SEPTIN9: variants seen among roughly 807,000 people sequenced by gnomAD.
SEPTIN9 encodes the protein septin 9.
Under a neutral mutation model 56.6 loss-of-function variants are expected in SEPTIN9, and 13 were observed. The ratio of observed to expected loss-of-function variants is 0.23; its 90% CI spans 0.15 to 0.37. SEPTIN9 has a LOEUF of 0.37. Ranked by LOEUF, SEPTIN9 falls within the 10% of genes least tolerant of loss-of-function variation. The pLI is 1.00. For missense variants in SEPTIN9, 650 were observed against 823.1 expected (o/e 0.79, Z 2.57); for synonymous variants, 332 against 334.1 (o/e 0.99, Z 0.07).
chr17:77,477,840 C>A (rs1002749135), intron 3 of SEPTIN9, among the ~76,000 whole-genome samples: 27 of 152,278 alleles, frequency 1.8e-4, no homozygotes, highest in African/African-American at 6.3e-4. Context: ...AAATCAGAAC[C>A]TTTCTGAGAG....
chr17:77,295,934 C>A (rs1354624338), intron 1 of SEPTIN9, among the ~76,000 whole-genome samples: 1 of 152,136 alleles, frequency 6.6e-6, no homozygotes, highest in Admixed American at 6.5e-5. Context: ...CCCTTGAATT[C>A]CTGCGTTGAA....
Position 77,369,608 on chromosome 17 carries a change from C to T in SEPTIN9, c.77-32451C>T, listed in dbSNP as rs1375604946. On this transcript the variant is annotated intron_variant, in intron 2 of 11. Coordinates refer to ENST00000427177, the MANE Select transcript of SEPTIN9 (RefSeq NM_001113491.2). The surrounding 1 kb of genome is among the most constrained non-coding windows in gnomAD (Gnocchi z 4.9). The stretch of plus-strand genomic sequence containing the variant: ...CCAGGGCTCGGCAGCTCTGGGAGGC[C>T]TACTTTGTGTCAGGCCACGCAGAGA... Among the ~76,000 whole-genome samples, 2 of 152,174 alleles carry T rather than the reference C, an allele frequency of 1.3e-5. No individual in the cohort carries two copies. The highest frequency in any genetic ancestry group is 2.9e-5 in the Non-Finnish European group (2 of 68,022).
rs1436300816 is a variant in SEPTIN9 at position 77,449,873 on chromosome 17, TG to T, written c.722-32270del. Among the ~76,000 whole-genome samples, 1 of 152,080 alleles carries T rather than the reference TG, an allele frequency of 6.6e-6. No homozygotes were observed. The highest frequency in any genetic ancestry group is 1.5e-5 in the Non-Finnish European group (1 of 68,010). On this transcript the variant is annotated intron_variant, in intron 3 of 11. Transcript: ENST00000427177. This position sits in a 1 kb window ranked among gnomAD's most constrained non-coding sequence, Gnocchi z 4.6. ...GTCTTGCTGTAATTTTGGCGACTGGTGTTGGTGGTGCCCATTTTATGGATGG... is the reference window on the plus strand; with the variant it reads ...GTCTTGCTGTAATTTTGGCGACTGGTTTGGTGGTGCCCATTTTATGGATGG...
chr17:77,400,755 T>TC lies in SEPTIN9; in HGVS notation c.77-1302dup. 1 of 152,412 alleles carries TC rather than the reference T, an allele frequency of 6.6e-6. No individual in the cohort carries two copies. The highest frequency in any genetic ancestry group is 6.5e-5 in the Admixed American group (1 of 15,282). The allele number at this position is 152,412 out of a possible 1,614,324, so 9.4% of individuals were successfully genotyped here. A position where few individuals can be genotyped will look rare whatever the true frequency, so the allele number is the denominator to read the frequency against. On this transcript the variant is annotated intron_variant, in intron 2 of 11. Transcript: ENST00000427177. This position sits in a 1 kb window ranked among gnomAD's most constrained non-coding sequence, Gnocchi z 4.1. Reference sequence around the variant, plus strand: ...AGCGGCTGGGGAGACACTGTGGGTCTCCACAGGGGTGCGCTGTGGGTCTGG... The same window carrying TC: ...AGCGGCTGGGGAGACACTGTGGGTCTCCCACAGGGGTGCGCTGTGGGTCTGG...
chr17:77,362,304 C>T (rs2034443806), intron 2 of SEPTIN9, among the ~76,000 whole-genome samples: 1 of 152,144 alleles, frequency 6.6e-6, no homozygotes, highest in African/African-American at 2.4e-5. Context: ...CTCCGTGGTC[C>T]CTGTGACCAG....
At chr17:77,384,846 C>T (rs1456768333) in intron 2 of SEPTIN9, among the ~76,000 whole-genome samples, 1 of 17,704 alleles carries the variant, frequency 5.6e-5, no homozygotes, top group Non-Finnish European at 1.8e-4. Flanking sequence ...TGTTTAAACA[C>T]ACACACACAC....
chr17:77,399,124 C>G, intron 2 of SEPTIN9, among the ~76,000 whole-genome samples: 1 of 152,256 alleles, frequency 6.6e-6, no homozygotes, highest in East Asian at 1.9e-4. Flanking sequence ...CGCTTGTGCA[C>G]GTGGGCCTGG....
chr17:77,454,427 G>T, intron 3 of SEPTIN9: 21 of 964,116 alleles, frequency 2.2e-5, no homozygotes, highest in Non-Finnish European at 2.6e-5. Flanking sequence ...GCTCCCGAGG[G>T]TGGCGGCCAT....
intron 3 of SEPTIN9, among the ~76,000 whole-genome samples, chr17:77,458,164 CA>C (rs2038299064): frequency 6.6e-6 from 1 of 152,218 alleles, no homozygotes; most frequent in African/African-American, 2.4e-5. Flanking sequence ...GCCTACCCAC[CA>C]TAGTCGCTTT....
chr17:77,288,112 G>A (rs965267466), intron 1 of SEPTIN9: 1 of 1,063,202 alleles, frequency 9.4e-7, no homozygotes, highest in Non-Finnish European at 1.1e-6. Flanking sequence ...GGACTCTCTC[G>A]CTGACTCCTA....
At chr17:77,311,193 G>A (rs557783187) in intron 2 of SEPTIN9, among the ~76,000 whole-genome samples, 100 of 151,940 alleles carry the variant, frequency 6.6e-4, no homozygotes, top group African/African-American at 2.3e-3. Flanking sequence ...CCCAGGCCAG[G>A]GAGCGTCTGG....
intron 2 of SEPTIN9, among the ~76,000 whole-genome samples, chr17:77,365,345 C>T (rs1466015820): frequency 1.3e-5 from 2 of 152,042 alleles, no homozygotes; most frequent in Admixed American, 6.6e-5. Flanking sequence ...CCCTCTCTTC[C>T]TTCCCTTCCG....
At chr17:77,364,490 C>G (rs2034514271) in intron 2 of SEPTIN9, among the ~76,000 whole-genome samples, 1 of 152,226 alleles carries the variant, frequency 6.6e-6, no homozygotes, top group Non-Finnish European at 1.5e-5. Flanking sequence ...TGCACTGGAG[C>G]CTCTTTGGAG....
rs900138827 is a variant in SEPTIN9, at chr17:77,488,712, C to T, written c.1125-15C>T. On this transcript the variant is annotated splice_polypyrimidine_tract_variant and intron_variant, in intron 6 of 11. Coordinates refer to ENST00000427177, the MANE Select transcript of SEPTIN9 (RefSeq NM_001113491.2). ...ATCTCATGTGCCTGCTGACTCGTCCCCATCCCCCACGCAGCTGGCAGCCCA... is the reference window on the plus strand; with the variant it reads ...ATCTCATGTGCCTGCTGACTCGTCCTCATCCCCCACGCAGCTGGCAGCCCA... The T allele has an allele frequency of 6.2e-7, 1 of 1,613,366 alleles. No homozygotes were observed. Among genetic ancestry groups the T allele is most frequent in the African/African-American group, 1.3e-5 (1 of 74,904 alleles).
chr17:77,452,875 A>G (rs2038037932), intron 3 of SEPTIN9, among the ~76,000 whole-genome samples: 1 of 149,662 alleles, frequency 6.7e-6, no homozygotes, highest in African/African-American at 2.5e-5. Context: ...AGCATCTAGT[A>G]TACGAGTCCT....
chr17:77,285,557 C>G (rs933203414), intron 1 of SEPTIN9, among the ~76,000 whole-genome samples: 3 of 152,096 alleles, frequency 2.0e-5, no homozygotes, highest in Non-Finnish European at 4.4e-5. Context: ...GCCACCGTGC[C>G]CAGCTAATTT....
chr17:77,489,518 G>T (rs758509903), intron 7 of SEPTIN9, among the ~76,000 whole-genome samples: 2 of 152,232 alleles, frequency 1.3e-5, no homozygotes, highest in Non-Finnish European at 2.9e-5. Flanking sequence ...AGCCAGGGCT[G>T]GGAGGAGGAG....
intron 4 of SEPTIN9, chr17:77,483,913 GGCAGCTGTGCCCACCT>G (rs1184860134): frequency 6.6e-6 from 1 of 152,366 alleles, no homozygotes; most frequent in African/African-American, 2.4e-5. Flanking sequence ...TCCCTCCCAT[GGCAGCTGTGCCCACCT>G]GCAGAGGTGC....
chr17:77,314,963 C>T (rs1197996861), intron 2 of SEPTIN9, among the ~76,000 whole-genome samples: 1 of 152,156 alleles, frequency 6.6e-6, no homozygotes, highest in African/African-American at 2.4e-5. Flanking sequence ...GGACCTGGCT[C>T]CTACTGGGCC....
Sources: gnomAD v4.1 joint callset for allele counts (sites outside exome capture counted in the v4.1 genomes callset) on GRCh38, gnomAD v4.1.1 for gene constraint, Gnocchi (gnomAD v3.1) non-coding constraint, MANE v1.5 for transcripts, NCBI Gene and HGNC (gene_info 2026-07-23, HGNC 2026-07-21) for gene names.